Variants in PDGFC observed in about 807,000 individuals in gnomAD.
PDGFC encodes platelet derived growth factor C, also known as platelet-derived growth factor C.
PDGFC carries 12 observed loss-of-function variants against 35.5 expected under a neutral mutation model. The ratio of observed to expected loss-of-function variants is 0.34; its 90% CI spans 0.22 to 0.55. The LOEUF (loss-of-function observed/expected upper bound fraction) is 0.55, where lower values mean the gene tolerates loss of function less well. Among genes scored for constraint, PDGFC ranks in the 20% least tolerant of loss-of-function variants. The pLI, the probability that PDGFC is intolerant of heterozygous loss-of-function variation, is 0.91. For missense variants in PDGFC, 322 were observed against 412.4 expected, an observed-to-expected ratio of 0.78 and a Z score of 1.90; for synonymous variants, 159 against 148.8, an observed-to-expected ratio of 1.07 and a Z score of -0.50.
At chr4:156,804,065 G>A (rs1731688016) in intron 3 of PDGFC, among the ~76,000 whole-genome samples, 1 of 150,068 alleles carries the variant, frequency 6.7e-6, no homozygotes, top group Non-Finnish European at 1.5e-5. Context: ...AATTTTATGG[G>A]AAAGTCCCAC....
At chr4:156,872,920 A>AT (rs939100006) in intron 1 of PDGFC, among the ~76,000 whole-genome samples, 1 of 152,184 alleles carries the variant, frequency 6.6e-6, no homozygotes, top group African/African-American at 2.4e-5. Flanking sequence ...ACTTGAGCCC[A>AT]TGAGTTCAAG....
chr4:156,826,840 A>G (rs1728768926), intron 2 of PDGFC, among the ~76,000 whole-genome samples: 1 of 152,200 alleles, frequency 6.6e-6, no homozygotes, highest in Non-Finnish European at 1.5e-5. Flanking sequence ...CTTCATTTAT[A>G]TATACAAATT....
At chr4:156,890,934 T>C (rs933781746) in intron 1 of PDGFC, among the ~76,000 whole-genome samples, 1 of 152,150 alleles carries the variant, frequency 6.6e-6, no homozygotes, top group Non-Finnish European at 1.5e-5. Flanking sequence ...TGTGTGTATA[T>C]ACATTCACGT....
intron 1 of PDGFC, among the ~76,000 whole-genome samples, chr4:156,953,219 T>A (rs1732123724): frequency 6.6e-6 from 1 of 151,920 alleles, no homozygotes; most frequent in South Asian, 2.1e-4. Context: ...GCACAAAACA[T>A]TCCTCATTTT....
chr4:156,885,000 C>A (rs1326613458), intron 1 of PDGFC, among the ~76,000 whole-genome samples: 1 of 152,122 alleles, frequency 6.6e-6, no homozygotes, highest in East Asian at 1.9e-4. Flanking sequence ...GGTAAATTCC[C>A]TACTTTTGCC....
At chr4:156,767,222 T>A (rs1730563471) in intron 5 of PDGFC, among the ~76,000 whole-genome samples, 1 of 152,132 alleles carries the variant, frequency 6.6e-6, no homozygotes, top group African/African-American at 2.4e-5. Context: ...TGTCATATTA[T>A]ATTTTCTTTT....
chr4:156,849,608 A>T (rs1560839774), intron 2 of PDGFC, among the ~76,000 whole-genome samples: 1 of 152,100 alleles, frequency 6.6e-6, no homozygotes, highest in Non-Finnish European at 1.5e-5. Context: ...TGCGTGGGTG[A>T]AATACTCCAG....
intron 1 of PDGFC, among the ~76,000 whole-genome samples, chr4:156,874,255 T>C (rs1730055634): frequency 6.6e-6 from 1 of 152,148 alleles, no homozygotes; most frequent in Admixed American, 6.5e-5. Context: ...GTCTTAACCA[T>C]AATACAAAAG....
chr4:156,765,239 A>G (rs531947431), intron 5 of PDGFC, among the ~76,000 whole-genome samples: 1 of 152,320 alleles, frequency 6.6e-6, no homozygotes, highest in African/African-American at 2.4e-5. Flanking sequence ...ATAGACTTGG[A>G]AAATGATCAG....
intron 1 of PDGFC, among the ~76,000 whole-genome samples, chr4:156,964,448 G>GTA (rs1057183958): frequency 1.5e-4 from 22 of 147,078 alleles, no homozygotes; most frequent in East Asian, 4.0e-4. Flanking sequence ...TATATATACT[G>GTA]TATATATAGT....
chr4:156,886,051 C>T (rs1001901635), intron 1 of PDGFC, among the ~76,000 whole-genome samples: 3 of 152,024 alleles, frequency 2.0e-5, no homozygotes, highest in Admixed American at 1.3e-4. Context: ...AGCTAAAATG[C>T]TTGTTAAATT....
At chr4:156,817,588 A>G (rs1371080020) in intron 2 of PDGFC, among the ~76,000 whole-genome samples, 2 of 152,202 alleles carry the variant, frequency 1.3e-5, no homozygotes, top group African/African-American at 4.8e-5. Context: ...GGAGAGCATG[A>G]CTAGCTTGGG....
At chr4:156,803,706 A>G (rs1466396576) in intron 3 of PDGFC, among the ~76,000 whole-genome samples, 1 of 152,176 alleles carries the variant, frequency 6.6e-6, no homozygotes, top group East Asian at 1.9e-4. Context: ...TTTGCCATTT[A>G]GAAACAGGTG....
intron 3 of PDGFC, among the ~76,000 whole-genome samples, chr4:156,801,466 T>C (rs913263634): frequency 3.3e-5 from 5 of 152,160 alleles, no homozygotes; most frequent in Non-Finnish European, 7.4e-5. Flanking sequence ...CCTCTACATA[T>C]GCCTTTCTTG....
chr4:156,854,724 T>A (rs1729533854), intron 1 of PDGFC, among the ~76,000 whole-genome samples: 1 of 152,176 alleles, frequency 6.6e-6, no homozygotes. Context: ...ACTTTACTAG[T>A]ATTTTAGGGA....
intron 3 of PDGFC, among the ~76,000 whole-genome samples, chr4:156,774,652 CTTT>C (rs869200131): frequency 3.0e-5 from 4 of 133,618 alleles, no homozygotes; most frequent in African/African-American, 2.8e-5. Context: ...TGATTTCATC[CTTT>C]TTTTTTTTTT....
intron 3 of PDGFC, among the ~76,000 whole-genome samples, chr4:156,795,876 A>G (rs1436537116): frequency 6.6e-6 from 1 of 152,192 alleles, no homozygotes. Flanking sequence ...GAATCTTGAC[A>G]TCAGTTTAAA....
chr4:156,882,360 T>C (rs1730264835), intron 1 of PDGFC, among the ~76,000 whole-genome samples: 1 of 152,108 alleles, frequency 6.6e-6, no homozygotes, highest in Admixed American at 6.5e-5. Flanking sequence ...CTCTCCCTAG[T>C]GCCAAAAAGT....
intron 1 of PDGFC, among the ~76,000 whole-genome samples, chr4:156,883,067 G>C (rs1483390354): frequency 6.1e-5 from 9 of 148,056 alleles, no homozygotes; most frequent in Non-Finnish European, 1.3e-4. Flanking sequence ...CTGAGCGACA[G>C]AGCAAGATTC....
Sources: allele counts gnomAD v4.1 joint callset (sites outside exome capture counted in the v4.1 genomes callset), GRCh38; gene constraint gnomAD v4.1.1; transcripts MANE v1.5; gene names NCBI Gene and HGNC (gene_info 2026-07-23, HGNC 2026-07-21).